The following GK5 variants were observed in gnomAD, a reference collection of about 807,000 sequenced individuals.
GK5 encodes the protein glycerol kinase 5.
A neutral mutation model predicts 77.3 loss-of-function variants in GK5; 39 were observed. The observed-to-expected ratio is 0.50, with a 90% CI of 0.39 to 0.66. GK5 has a LOEUF of 0.66. Among genes scored for constraint, GK5 ranks in the 30% least tolerant of loss-of-function variants. The probability of loss-of-function intolerance (pLI) is 0.00; values close to 1 mark genes in which losing one functional copy is unlikely to be tolerated. For synonymous variants in GK5, 211 were observed against 208.0 expected, an observed-to-expected ratio of 1.01 and a Z score of -0.13; for missense variants, 487 against 633.8, an observed-to-expected ratio of 0.77 and a Z score of 2.49.
chr3:142,196,056 T>C (rs2063927778), intron 5 of GK5, among the ~76,000 whole-genome samples: 1 of 152,168 alleles, frequency 6.6e-6, no homozygotes, highest in Non-Finnish European at 1.5e-5. Flanking sequence ...TTATTTCCAG[T>C]AGTTTGTGTA....
At chr3:142,194,263 C>T (rs1419190978) in intron 5 of GK5, among the ~76,000 whole-genome samples, 1 of 152,054 alleles carries the variant, frequency 6.6e-6, no homozygotes, top group Non-Finnish European at 1.5e-5. Context: ...CGGTGACTCA[C>T]ACCTGTAATC....
chr3:142,181,633 T>A, intron 10 of GK5, 68 bp from the exon 11 acceptor site: 4 of 1,112,422 alleles, frequency 3.6e-6, no homozygotes, highest in East Asian at 2.5e-5. Flanking sequence ...TTCTACAATG[T>A]AATGATTTGG....
chr3:142,198,880 A>C lies in GK5; in HGVS notation c.465T>G (p.Leu155=), dbSNP rs375723171. 1 of 1,613,620 alleles carries C rather than the reference A, an allele frequency of 6.2e-7. No homozygotes were observed. The highest frequency in any genetic ancestry group is 2.2e-5 in the East Asian group (1 of 44,836). Residue 155 remains leucine, a synonymous_variant, in exon 5 of 16, where the codon CTT becomes CTG. Transcript: ENST00000392993. ...VLHFFTRSKR[L]FTASLFTFTT... ...TGAAAGTGAACAAACTGGCTGTAAA[A>C]AGTCGTTTACTTCTAGTGAAAAAGT...
At chr3:142,204,200 T>G (rs58652294) in intron 4 of GK5, 336 of 196,810 alleles carry the variant, frequency 1.7e-3, no homozygotes, top group African/African-American at 7.6e-3. Flanking sequence ...GCATTATTTG[T>G]AGAGATGAGG....
chr3:142,219,087 A>G (rs2064310354), intron 1 of GK5, among the ~76,000 whole-genome samples: 1 of 152,248 alleles, frequency 6.6e-6, no homozygotes, highest in African/African-American at 2.4e-5. Context: ...ATGTGGAACA[A>G]CTGGAACTCT....
At chr3:142,204,991 T>C (rs932458535) in intron 3 of GK5, among the ~76,000 whole-genome samples, 1 of 152,232 alleles carries the variant, frequency 6.6e-6, no homozygotes, top group African/African-American at 2.4e-5. Context: ...GTATGAAATG[T>C]ATATACTTCC....
intron 3 of GK5, among the ~76,000 whole-genome samples, chr3:142,206,257 A>C (rs1005302069): frequency 6.6e-6 from 1 of 152,030 alleles, no homozygotes; most frequent in Non-Finnish European, 1.5e-5. Flanking sequence ...CTTTGTTTTC[A>C]ATTTTTTTAG....
In GK5 at chr3:142,162,459, A is replaced by T. The variant is rs770379276; in HGVS notation, c.*3163T>A. ...TATCCAGTCCAAAATGTCAATGCTG[A>T]GATTAGGAAACCATGCCATGGTTGG... is the stretch of plus-strand genomic sequence containing the variant. On this transcript the variant is annotated 3_prime_UTR_variant, in exon 16 of 16. Transcript: ENST00000392993. 6.6e-6 allele frequency: 1 copy of T among 152,226 alleles called. No individual in the cohort carries two copies. 9.4% of individuals were successfully genotyped at this position (152,226 alleles called of 1,614,324 possible). A position where few individuals can be genotyped will look rare whatever the true frequency, so the allele number is the denominator to read the frequency against.
chr3:142,215,455 G>T, intron 2 of GK5, 144 bp downstream of exon 2: 1 of 486,844 alleles, frequency 2.1e-6, no homozygotes, highest in Non-Finnish European at 3.7e-6. Flanking sequence ...ACAAATTTCC[G>T]TTGAAAAATA....
Position 142,181,443 on chromosome 3 carries a change from A to G in GK5, c.1048+18T>C. On this transcript the variant is annotated intron_variant, in intron 11 of 15. Transcript: ENST00000392993. ...TCTTTAGGTCTGGCTTGTGAAATCCATTTAAAAGACAACTTACCTAACTGC... is the reference window on the plus strand; with the variant it reads ...TCTTTAGGTCTGGCTTGTGAAATCCGTTTAAAAGACAACTTACCTAACTGC... 2 of 1,509,004 alleles carry G rather than the reference A, an allele frequency of 1.3e-6. No individual in the cohort carries two copies. Among genetic ancestry groups the G allele is most frequent in the East Asian group, 2.3e-5 (1 of 43,694 alleles). 93.5% of individuals were successfully genotyped at this position (1,509,004 alleles called of 1,614,324 possible).
intron 14 of GK5, among the ~76,000 whole-genome samples, 154 bp downstream of exon 14, chr3:142,171,265 T>C (rs13074187): frequency 0.052 from 7,965 of 151,996 alleles, 270 homozygotes; most frequent in Middle Eastern, 0.099. Flanking sequence ...AAGAATTTTG[T>C]TGTGAAGGAG....
chr3:142,211,608 A>G (rs1357071356), intron 3 of GK5, among the ~76,000 whole-genome samples: 5 of 152,192 alleles, frequency 3.3e-5, no homozygotes, highest in African/African-American at 1.2e-4. Context: ...TCTAGGCAAC[A>G]TGGTGAGACT....
chr3:142,185,493 T>C, intron 9 of GK5: 1 of 995,684 alleles, frequency 1.0e-6, no homozygotes, highest in Non-Finnish European at 1.2e-6. Context: ...GGCTAAGGAC[T>C]TTATTAAATG....
chr3:142,165,029 A>C lies in GK5; in HGVS notation c.*593T>G, dbSNP rs930116769. 2 of 152,798 alleles carry C rather than the reference A, an allele frequency of 1.3e-5. No homozygotes were observed. The highest frequency in any genetic ancestry group is 2.9e-5 in the Non-Finnish European group (2 of 68,030). The allele number at this position is 152,798 out of a possible 1,614,324, so 9.5% of individuals were successfully genotyped here. A position where few individuals can be genotyped will look rare whatever the true frequency, so the allele number is the denominator to read the frequency against. Reference sequence around the variant, plus strand: ...AAATTAAGGCAGTGTCTTTAAGACCAGTAAAGGAAAGCATTAACTATCTCA... The same window carrying C: ...AAATTAAGGCAGTGTCTTTAAGACCCGTAAAGGAAAGCATTAACTATCTCA... On this transcript the variant is annotated 3_prime_UTR_variant, in exon 16 of 16. Coordinates refer to ENST00000392993, the MANE Select transcript of GK5 (RefSeq NM_001039547.3).
rs1203305746 is a variant in GK5, at chr3:142,158,183, C to T, written c.*7439G>A. 1 of 152,346 alleles carries T rather than the reference C, an allele frequency of 6.6e-6. No individual in the cohort carries two copies. The highest frequency in any genetic ancestry group is 1.5e-5 in the Non-Finnish European group (1 of 68,240). The allele number at this position is 152,346 out of a possible 1,614,324, so 9.4% of individuals were successfully genotyped here. ...AGCCAGGATGGTCTCGATCTCCTGA[C>T]CTCGTGATCCGCCAGCCGTGGCCTC... On this transcript the variant is annotated 3_prime_UTR_variant, in exon 16 of 16. Coordinates refer to ENST00000392993, the MANE Select transcript of GK5 (RefSeq NM_001039547.3).
At chr3:142,203,748 TG>T (rs1167172768) in intron 4 of GK5, among the ~76,000 whole-genome samples, 2 of 152,122 alleles carry the variant, frequency 1.3e-5, no homozygotes, top group Non-Finnish European at 2.9e-5. Flanking sequence ...CACTCCAGCT[TG>T]GGCGATAGAG....
intron 5 of GK5, among the ~76,000 whole-genome samples, chr3:142,198,021 C>CAAAAA (rs1228082453): frequency 1.2e-5 from 1 of 85,498 alleles, no homozygotes; most frequent in Admixed American, 1.3e-4. Flanking sequence ...GACTCTGTCT[C>CAAAAA]AAAAAAAAAA....
At chr3:142,185,368 A>T in intron 9 of GK5, 1 of 484,934 alleles carries the variant, frequency 2.1e-6, no homozygotes, top group Non-Finnish European at 2.7e-6. Flanking sequence ...AGGCATGATT[A>T]TACCACTGCA....
Position 142,158,695 on chromosome 3 carries a change from A to G in GK5, c.*6927T>C, listed in dbSNP as rs1270207176. On this transcript the variant is annotated 3_prime_UTR_variant, in exon 16 of 16. Coordinates refer to ENST00000392993, the MANE Select transcript of GK5 (RefSeq NM_001039547.3). ...ATACAAATTGGAATCTACATTTACC[A>G]TCTTGTACAAATAGGAAAGTTTCTA... 1.3e-5 allele frequency: 2 copies of G among 152,624 alleles called. No homozygotes were observed. The highest frequency in any genetic ancestry group is 2.9e-5 in the Non-Finnish European group (2 of 68,030). 9.5% of individuals were successfully genotyped at this position (152,624 alleles called of 1,614,324 possible). A position where few individuals can be genotyped will look rare whatever the true frequency, so the allele number is the denominator to read the frequency against.
Sources: allele counts gnomAD v4.1 joint callset (sites outside exome capture counted in the v4.1 genomes callset), GRCh38; gene constraint gnomAD v4.1.1; transcripts MANE v1.5; gene names NCBI Gene and HGNC (gene_info 2026-07-23, HGNC 2026-07-21).